CD36: variants seen among roughly 807,000 people sequenced by gnomAD.
CD36 encodes the protein CD36 molecule (CD36 blood group).
Under a neutral mutation model 55.2 loss-of-function variants are expected in CD36, and 119 were observed. That is an observed-to-expected ratio of 2.15 (90% CI 1.86 to 2.51). CD36 has a LOEUF of 2.51. Ranked by LOEUF, CD36 falls within the 30% of genes most tolerant of loss-of-function variation. CD36 has a pLI of 0.00. For missense variants in CD36, 819 were observed against 555.5 expected, an observed-to-expected ratio of 1.47 and a Z score of -4.77; for synonymous variants, 186 against 193.6, an observed-to-expected ratio of 0.96 and a Z score of 0.33.
chr7:80,621,112 A>C lies in CD36; in HGVS notation c.-184+18733A>C, dbSNP rs376933317. 3.9e-5 allele frequency among the ~76,000 whole-genome samples: 6 copies of C among 152,328 alleles called. No individual in the cohort carries two copies. In the South Asian group the frequency reaches 1.2e-3, roughly 32 times the overall value. ...AGTCAGTAGCCATCAATATCCAGGC[A>C]AGATTCTCTACCAGCAAAAAGATTA... On this transcript the variant is annotated intron_variant, in intron 1 of 13. Transcript: ENST00000309881.
intron 1 of CD36, among the ~76,000 whole-genome samples, chr7:80,631,884 A>G (rs1429293419): frequency 6.6e-6 from 1 of 151,750 alleles, no homozygotes; most frequent in Non-Finnish European, 1.5e-5. Context: ...TTTACAAAGT[A>G]TTGTATAATG....
chr7:80,621,529 A>G (rs1359354261), intron 1 of CD36, among the ~76,000 whole-genome samples: 4 of 152,242 alleles, frequency 2.6e-5, no homozygotes, highest in Non-Finnish European at 5.9e-5. Flanking sequence ...GTATCATTTG[A>G]TAGAATTTTT....
At chr7:80,665,235 G>T (rs537954361) in intron 7 of CD36, among the ~76,000 whole-genome samples, 3 of 150,380 alleles carry the variant, frequency 2.0e-5, no homozygotes, top group South Asian at 2.1e-4. Flanking sequence ...TTCACCTAAA[G>T]AATTTATAAT....
chr7:80,634,003 G>A (rs1794238684), upstream of CD36, among the ~76,000 whole-genome samples: 3 of 152,088 alleles, frequency 2.0e-5, no homozygotes, highest in South Asian at 6.2e-4. Flanking sequence ...TTCAACTTGT[G>A]CAAAGATTTT....
chr7:80,673,889 T>TAGAGGTGTTAGAAAAAAGGGTG, intron 13 of CD36, 94 bp from the exon 14 acceptor site: 1 of 886,244 alleles, frequency 1.1e-6, no homozygotes, highest in East Asian at 2.6e-5. Context: ...CTAACACCAA[T>TAGAGGTGTTAGAAAAAAGGGTG]AGAGGTGTTA....
chr7:80,670,777 T>A (rs1416462096), intron 9 of CD36, 200 bp from the exon 10 acceptor site: 8 of 572,290 alleles, frequency 1.4e-5, no homozygotes, highest in Admixed American at 3.1e-5. Flanking sequence ...AACATGGTAC[T>A]TCACAAACAA....
chr7:80,676,929 TGTTA>T lies in CD36; in HGVS notation c.*547_*550del, dbSNP rs1357201996. The T allele has an allele frequency of 1.2e-4, 18 of 152,142 alleles. No individual in the cohort carries two copies. The highest frequency in any genetic ancestry group is 4.1e-4 in the South Asian group (2 of 4,836). The allele number at this position is 152,142 out of a possible 1,614,324, so 9.4% of individuals were successfully genotyped here. On this transcript the variant is annotated 3_prime_UTR_variant, in exon 15 of 15. Transcript: ENST00000447544. ...ATATTACAAAGCGTAGACTATGCAT[TGTTA>T]TTCATTATAATATTTTTTGCTGTCA...
At chr7:80,604,027 T>C (rs138017198) in intron 1 of CD36, among the ~76,000 whole-genome samples, 1,534 of 152,146 alleles carry the variant, frequency 0.01, 26 homozygotes, top group African/African-American at 0.034. Flanking sequence ...AGAAATGCTA[T>C]AAAATGAGTG....
At chr7:80,635,434 C>T (rs746739418), upstream of CD36, among the ~76,000 whole-genome samples, 4 of 152,060 alleles carry the variant, frequency 2.6e-5, no homozygotes, top group Non-Finnish European at 4.4e-5. Context: ...ACCACCACAC[C>T]TGGCTAATTT....
chr7:80,674,453 TTATATATTATCTGA>T, intron 14 of CD36: 1 of 309,698 alleles, frequency 3.2e-6, no homozygotes, highest in Non-Finnish European at 6.1e-6. Context: ...ATATAGCTAG[TTATATATTATCTGA>T]TACTTAAAAA....
At chr7:80,636,031 A>C (rs1584335380), upstream of CD36, among the ~76,000 whole-genome samples, 3 of 152,276 alleles carry the variant, frequency 2.0e-5, no homozygotes, top group East Asian at 5.8e-4. Flanking sequence ...TGCAAAGTTC[A>C]GTGGTGAATT....
chr7:80,622,711 A>G (rs1293638155), intron 1 of CD36, among the ~76,000 whole-genome samples: 1 of 152,226 alleles, frequency 6.6e-6, no homozygotes, highest in East Asian at 1.9e-4. Context: ...ACTATGAGTC[A>G]CAGCTATTTA....
rs755311894 is a variant in CD36 at position 80,672,762 on chromosome 7, C to A, written c.1126-8C>A. The A allele has an allele frequency of 1.6e-5, 25 of 1,591,668 alleles. No individual in the cohort carries two copies. The Admixed American group carries it at 4.2e-4, about 27-fold the overall frequency. ...AAGTTGGTAATTATTTAGTTGTTCT[C>A]TTTTTAGATAACTGGATTCACTTTA... On this transcript the variant is annotated splice_region_variant and splice_polypyrimidine_tract_variant and intron_variant, in intron 11 of 14. Transcript: ENST00000447544.
chr7:80,626,036 T>C (rs755656411), intron 1 of CD36: 2 of 152,120 alleles, frequency 1.3e-5, no homozygotes, highest in Non-Finnish European at 2.9e-5. Flanking sequence ...GGATCTGCCA[T>C]TGAGTTTGGT....
chr7:80,626,984 T>C (rs1793779298), intron 1 of CD36, among the ~76,000 whole-genome samples: 1 of 152,058 alleles, frequency 6.6e-6, no homozygotes, highest in Non-Finnish European at 1.5e-5. Flanking sequence ...ACTTTTTGTT[T>C]TTATCACAGT....
chr7:80,621,382 C>T (rs1793461988), intron 1 of CD36, among the ~76,000 whole-genome samples: 1 of 152,140 alleles, frequency 6.6e-6, no homozygotes, highest in African/African-American at 2.4e-5. Context: ...ATTTTCTTAA[C>T]ATTTTCTAGT....
chr7:80,664,599 A>G (rs1307448328), intron 7 of CD36, 102 bp downstream of exon 7: 2 of 763,610 alleles, frequency 2.6e-6, no homozygotes, highest in Non-Finnish European at 4.8e-6. Flanking sequence ...AACCTATAGA[A>G]CAGACCTGGT....
chr7:80,668,165 G>T (rs1048046448), intron 8 of CD36, among the ~76,000 whole-genome samples: 1 of 152,000 alleles, frequency 6.6e-6, no homozygotes, highest in African/African-American at 2.4e-5. Context: ...TTGTATAAGC[G>T]GAATACTTAG....
At chr7:80,645,390 T>C (rs1795091789) in intron 1 of CD36, among the ~76,000 whole-genome samples, 1 of 151,220 alleles carries the variant, frequency 6.6e-6, no homozygotes, top group Non-Finnish European at 1.5e-5. Context: ...TCCCAGCACT[T>C]TGGGAGGCTG....
Sources: gnomAD v4.1 joint callset for allele counts (sites outside exome capture counted in the v4.1 genomes callset) on GRCh38, gnomAD v4.1.1 for gene constraint, MANE v1.5 for transcripts, NCBI Gene and HGNC (gene_info 2026-07-23, HGNC 2026-07-21) for gene names.